The following GBF1 variants were observed in gnomAD, a reference collection of about 807,000 sequenced individuals.
The protein encoded by GBF1 is golgi brefeldin A resistant guanine nucleotide exchange factor 1.
In GBF1, 114 loss-of-function variants were observed where a neutral mutation model predicts 210.5. The ratio of observed to expected loss-of-function variants is 0.54; its 90% CI spans 0.47 to 0.63. The LOEUF (loss-of-function observed/expected upper bound fraction) is 0.63. GBF1 is among the 30% of genes least tolerant of loss of function. The pLI, the probability that GBF1 is intolerant of heterozygous loss-of-function variation, is 0.00. For missense variants in GBF1, 1,851 were observed against 2,357.7 expected (o/e 0.79, Z 4.45); for synonymous variants, 850 against 889.2 (o/e 0.96, Z 0.78).
intron 3 of GBF1, among the ~76,000 whole-genome samples, chr10:102,307,648 G>A (rs1339152857): frequency 3.9e-5 from 6 of 152,150 alleles, no homozygotes; most frequent in South Asian, 4.2e-4. Flanking sequence ...AAAATTAGCC[G>A]GGCGTGGTGG....
chr10:102,317,619 T>TA (rs944809022), intron 3 of GBF1, among the ~76,000 whole-genome samples: 16 of 151,972 alleles, frequency 1.1e-4, no homozygotes, highest in Non-Finnish European at 2.2e-4. Flanking sequence ...ACTACATCTT[T>TA]AAAAAAATAA....
intron 3 of GBF1, among the ~76,000 whole-genome samples, chr10:102,319,768 G>A (rs1437577544): frequency 2.3e-5 from 3 of 132,388 alleles, no homozygotes; most frequent in Non-Finnish European, 3.1e-5. Flanking sequence ...CACTCATGTC[G>A]CCCAGGCTGG....
chr10:102,265,608 C>A (rs2073777620), intron 3 of GBF1, among the ~76,000 whole-genome samples: 1 of 151,956 alleles, frequency 6.6e-6, no homozygotes, highest in Non-Finnish European at 1.5e-5. Context: ...TCACTTGAGC[C>A]CAGGAGTTCG....
chr10:102,245,325 CAG>C (rs2070708528), upstream of GBF1, among the ~76,000 whole-genome samples: 1 of 152,218 alleles, frequency 6.6e-6, no homozygotes, highest in African/African-American at 2.4e-5. Context: ...AACTGTCACT[CAG>C]AGAGTACTCG....
chr10:102,246,064 T>C (rs2070788484), intron 1 of GBF1, among the ~76,000 whole-genome samples: 2 of 152,102 alleles, frequency 1.3e-5, no homozygotes, highest in Middle Eastern at 3.2e-3. Context: ...GTATTTAGCT[T>C]CTCCTTTCCA....
intron 1 of GBF1, among the ~76,000 whole-genome samples, chr10:102,250,994 A>G (rs2071452207): frequency 9.0e-6 from 1 of 111,408 alleles, no homozygotes; most frequent in Non-Finnish European, 1.8e-5. Context: ...ACCAAACCCC[A>G]TAAAAGTGAT....
chr10:102,365,392 T>C lies in GBF1; in HGVS notation c.2107-5T>C. 2 of 1,613,056 alleles carry C rather than the reference T, an allele frequency of 1.2e-6. No homozygotes were observed. Among genetic ancestry groups the C allele is most frequent in the Non-Finnish European group, 1.7e-6 (2 of 1,179,120 alleles). On this transcript the variant is annotated splice_region_variant and splice_polypyrimidine_tract_variant and intron_variant, in intron 17 of 39. Coordinates refer to ENST00000369983, the MANE Select transcript of GBF1 (RefSeq NM_001377137.1). ...GCTTCTATACCTCTAGTTTTTCTCA[T>C]GCAGCTGCTAATCACTGGCACAGAG... is the stretch of plus-strand genomic sequence containing the variant.
the GBF1 span, among the ~76,000 whole-genome samples, chr10:102,237,471 G>T: frequency 2.6e-3 from 398 of 152,260 alleles, no homozygotes; most frequent in African/African-American, 7.5e-3. Context: ...AACCGAGGGG[G>T]CCTCCAATGG....
intron 1 of GBF1, among the ~76,000 whole-genome samples, chr10:102,257,488 G>T (rs889917932): frequency 6.6e-6 from 1 of 151,434 alleles, no homozygotes; most frequent in African/African-American, 2.4e-5. Flanking sequence ...TTTTAGTTTT[G>T]TTTTTTTGGT....
upstream of GBF1, among the ~76,000 whole-genome samples, chr10:102,242,796 G>T (rs1451161845): frequency 6.6e-6 from 1 of 152,066 alleles, no homozygotes. Flanking sequence ...GGGCTTGGTG[G>T]CGGGTGCCTG....
chr10:102,349,791 A>T (rs1457113409), intron 4 of GBF1, among the ~76,000 whole-genome samples: 1 of 152,050 alleles, frequency 6.6e-6, no homozygotes, highest in African/African-American at 2.4e-5. Context: ...TTATTTGGCT[A>T]TTTCTCGTGG....
chr10:102,352,610 C>T (rs1277398283), intron 7 of GBF1, 92 bp downstream of exon 7: 1 of 837,732 alleles, frequency 1.2e-6, no homozygotes, highest in Non-Finnish European at 2.1e-6. Flanking sequence ...TGGCCAACCC[C>T]ACAGCCGCAT....
intron 3 of GBF1, among the ~76,000 whole-genome samples, chr10:102,277,098 G>A (rs1350169231): frequency 2.0e-5 from 3 of 152,136 alleles, no homozygotes; most frequent in African/African-American, 7.2e-5. Flanking sequence ...AGGCCAAGAT[G>A]AGAGGATCAC....
chr10:102,333,305 C>T (rs1340929564), intron 3 of GBF1, among the ~76,000 whole-genome samples: 1 of 152,158 alleles, frequency 6.6e-6, no homozygotes, highest in Non-Finnish European at 1.5e-5. Flanking sequence ...ACAGTGTTTT[C>T]TGGAATCCGT....
intron 3 of GBF1, among the ~76,000 whole-genome samples, chr10:102,335,735 A>C (rs1017405201): frequency 2.6e-5 from 4 of 152,162 alleles, no homozygotes; most frequent in African/African-American, 9.7e-5. Context: ...TTAATTATGA[A>C]GAGTGAAGGT....
chr10:102,361,067 G>T lies in GBF1; in HGVS notation c.1438G>T (p.Val480Leu). Residue 480 changes from valine (V) to leucine (L), a missense_variant, in exon 13 of 40, where the codon GTA (valine) becomes TTA (leucine). Coordinates refer to ENST00000369983, the MANE Select transcript of GBF1 (RefSeq NM_001377137.1). ...AAACCTTTATGCTGCTTCCCTGCGAGTATGCTTCCTACTGTTTGAGAGCAT... is the reference window on the plus strand; with the variant it reads ...AAACCTTTATGCTGCTTCCCTGCGATTATGCTTCCTACTGTTTGAGAGCAT... Reference protein sequence around the residue: ...RLNLYAASLRVCFLLFESMRE... With the variant: ...RLNLYAASLRLCFLLFESMRE... 6.2e-7 allele frequency: 1 copy of T among 1,608,702 alleles called. No individual in the cohort carries two copies. The highest frequency in any genetic ancestry group is 1.7e-4 in the Middle Eastern group (1 of 6,042).
rs767274694 is a variant in GBF1 at position 102,366,353 on chromosome 10, T to A, written c.2310-30T>A. 1.2e-6 allele frequency: 2 copies of A among 1,613,392 alleles called. No individual in the cohort carries two copies. Among genetic ancestry groups the A allele is most frequent in the Admixed American group, 3.3e-5 (2 of 60,004 alleles). ...CCTGACATGTGCAGCTTACACATTTTCAGCCTCTTCTTCCTTTCTTTCCCT... is the reference window on the plus strand; with the variant it reads ...CCTGACATGTGCAGCTTACACATTTACAGCCTCTTCTTCCTTTCTTTCCCT... On this transcript the variant is annotated intron_variant, in intron 18 of 39. Coordinates refer to ENST00000369983, the MANE Select transcript of GBF1 (RefSeq NM_001377137.1). This position sits in a 1 kb window ranked among gnomAD's most constrained non-coding sequence, Gnocchi z 4.0.
chr10:102,338,667 CT>C (rs1468441023), intron 3 of GBF1, among the ~76,000 whole-genome samples: 3 of 151,628 alleles, frequency 2.0e-5, no homozygotes, highest in African/African-American at 4.8e-5. Flanking sequence ...AGAGCCTCGG[CT>C]GGGTGCGGTG....
intron 3 of GBF1, among the ~76,000 whole-genome samples, chr10:102,282,299 C>T (rs1051468080): frequency 6.6e-6 from 1 of 152,066 alleles, no homozygotes; most frequent in Non-Finnish European, 1.5e-5. Context: ...TAATATTCCC[C>T]TTTTACAGAT....
Sources: allele counts gnomAD v4.1 joint callset (sites outside exome capture counted in the v4.1 genomes callset), GRCh38; gene constraint gnomAD v4.1.1; non-coding constraint Gnocchi (gnomAD v3.1); transcripts MANE v1.5; gene names NCBI Gene and HGNC (gene_info 2026-07-23, HGNC 2026-07-21).